The following SGCD variants were observed in gnomAD, a reference collection of about 807,000 sequenced individuals.
SGCD encodes sarcoglycan delta.
A neutral mutation model predicts 36.6 loss-of-function variants in SGCD; 18 were observed. The observed-to-expected ratio is 0.49, with a 90% CI of 0.34 to 0.73. SGCD has a LOEUF of 0.73. Among genes scored for constraint, SGCD ranks in the 30% least tolerant of loss-of-function variants. The pLI is 0.01. For missense variants in SGCD, 387 were observed against 346.7 expected (o/e 1.12, Z -0.92); for synonymous variants, 133 against 130.6 (o/e 1.02, Z -0.12).
At chr5:156,532,599 C>G (rs1727268388) in intron 4 of SGCD, among the ~76,000 whole-genome samples, 1 of 151,994 alleles carries the variant, frequency 6.6e-6, no homozygotes, top group Non-Finnish European at 1.5e-5. Flanking sequence ...TAGCTAGAAC[C>G]ACAGGCACCC....
chr5:156,017,363 A>G (rs543569599), intron 1 of SGCD, among the ~76,000 whole-genome samples: 20 of 152,138 alleles, frequency 1.3e-4, no homozygotes, highest in African/African-American at 4.3e-4. Flanking sequence ...AAATGCATCA[A>G]TTTTTTAAAA....
intron 1 of SGCD, among the ~76,000 whole-genome samples, chr5:155,956,067 C>G (rs951923487): frequency 6.7e-6 from 1 of 150,182 alleles, no homozygotes; most frequent in Admixed American, 6.6e-5. Context: ...ATTTAGATTT[C>G]TTTTTTCAGT....
chr5:155,979,698 G>C (rs527761474), intron 1 of SGCD, among the ~76,000 whole-genome samples: 2 of 152,258 alleles, frequency 1.3e-5, no homozygotes, highest in South Asian at 4.1e-4. Context: ...GGCCCACAAG[G>C]TTGATTCTCA....
chr5:155,962,126 A>C (rs752352093), intron 1 of SGCD, among the ~76,000 whole-genome samples: 16 of 152,090 alleles, frequency 1.1e-4, no homozygotes, highest in Non-Finnish European at 1.8e-4. Context: ...TGATCTATGC[A>C]TAGTTACATA....
chr5:156,639,034 C>T (rs1185332251), intron 6 of SGCD, among the ~76,000 whole-genome samples: 1 of 151,268 alleles, frequency 6.6e-6, no homozygotes, highest in Non-Finnish European at 1.5e-5. Context: ...TCATCACTAT[C>T]TTTTATCATA....
At chr5:156,445,662 T>TGTGCTTTG (rs1753727597) in intron 3 of SGCD, among the ~76,000 whole-genome samples, 1 of 152,160 alleles carries the variant, frequency 6.6e-6, no homozygotes, top group African/African-American at 2.4e-5. Flanking sequence ...TTAACCTCTC[T>TGTGCTTTG]GTGCTTTGGT....
chr5:156,378,105 C>T (rs1393468628), intron 3 of SGCD, among the ~76,000 whole-genome samples: 11 of 152,124 alleles, frequency 7.2e-5, no homozygotes, highest in Non-Finnish European at 1.6e-4. Flanking sequence ...CCCAAGCATC[C>T]ATTGACAGAT....
rs374380409 is a variant in SGCD at position 156,709,120 on chromosome 5, CTGA to C, written c.576-48458_576-48456del. On this transcript the variant is annotated intron_variant, in intron 7 of 8. Transcript: ENST00000337851. Reference sequence around the variant, plus strand: ...GAAGATAGAGAGCTGCTTTCTGTGTCTGATGTTTCTCAGTTGCCTTCAACTCAA... The same window carrying C: ...GAAGATAGAGAGCTGCTTTCTGTGTCTGTTTCTCAGTTGCCTTCAACTCAA... Among the ~76,000 whole-genome samples the C allele has an allele frequency of 4.1e-4, 62 of 152,228 alleles. No individual in the cohort carries two copies. The South Asian group carries it at 0.012, about 30-fold the overall frequency.
chr5:156,482,164 G>A (rs573100683), intron 3 of SGCD, among the ~76,000 whole-genome samples: 3 of 152,260 alleles, frequency 2.0e-5, no homozygotes, highest in African/African-American at 7.2e-5. Flanking sequence ...TTAGGTGTTG[G>A]ATTCTAGTGC....
chr5:156,558,767 A>T (rs998603040), intron 4 of SGCD, among the ~76,000 whole-genome samples: 3 of 152,192 alleles, frequency 2.0e-5, no homozygotes, highest in African/African-American at 7.2e-5. Context: ...GTGTGTAAGG[A>T]ATTTTAGACA....
At chr5:155,862,366 T>C in the SGCD span, among the ~76,000 whole-genome samples, 1 of 152,110 alleles carries the variant, frequency 6.6e-6, no homozygotes, top group South Asian at 2.1e-4. Context: ...AATCAAAGGG[T>C]TACCTAGGCT....
the SGCD span, among the ~76,000 whole-genome samples, chr5:155,811,431 A>G: frequency 6.6e-6 from 1 of 152,188 alleles, no homozygotes; most frequent in South Asian, 2.1e-4. Flanking sequence ...AAATTTGGCC[A>G]AAAAAGAAGC....
intron 1 of SGCD, among the ~76,000 whole-genome samples, chr5:155,971,317 T>C (rs1379104280): frequency 6.6e-6 from 1 of 152,122 alleles, no homozygotes; most frequent in Non-Finnish European, 1.5e-5. Context: ...CTCTAATCCA[T>C]CTTTATCTGA....
intron 3 of SGCD, among the ~76,000 whole-genome samples, chr5:156,189,825 G>A (rs1322698926): frequency 6.6e-6 from 1 of 152,070 alleles, no homozygotes; most frequent in Admixed American, 6.6e-5. Flanking sequence ...AATTTTTTTT[G>A]AACACTATAT....
rs552969687 is a variant in SGCD at position 156,486,753 on chromosome 5, G to A, written c.193-21848G>A. Among the ~76,000 whole-genome samples the A allele has an allele frequency of 1.4e-3, 207 of 152,034 alleles. 1 individual carries two copies. The highest frequency in any genetic ancestry group is 4.7e-3 in the African/African-American group (196 of 41,458). Reference sequence around the variant, plus strand: ...GACCCCTTTTGCCTGCTGCCACCACGTGCATGTGCCTCCTGAAGGATCTGG... The same window carrying A: ...GACCCCTTTTGCCTGCTGCCACCACATGCATGTGCCTCCTGAAGGATCTGG... On this transcript the variant is annotated intron_variant, in intron 3 of 8. Transcript: ENST00000337851.
intron 3 of SGCD, among the ~76,000 whole-genome samples, chr5:156,181,650 G>A (rs1369704127): frequency 6.6e-6 from 1 of 152,184 alleles, no homozygotes; most frequent in Non-Finnish European, 1.5e-5. Context: ...AAGTGAGCAA[G>A]GTGATGTGAT....
intron 7 of SGCD, among the ~76,000 whole-genome samples, chr5:156,747,308 T>G (rs77988652): frequency 2.1e-3 from 322 of 152,320 alleles, no homozygotes; most frequent in African/African-American, 7.2e-3. Context: ...ACCCCAAAAC[T>G]TAGCAGTTTA....
At chr5:156,744,931 C>T (rs918314589) in intron 7 of SGCD, among the ~76,000 whole-genome samples, 3 of 152,166 alleles carry the variant, frequency 2.0e-5, no homozygotes, top group African/African-American at 7.2e-5. Context: ...CTAACCAGTC[C>T]ACCCTCTGAA....
intron 1 of SGCD, among the ~76,000 whole-genome samples, chr5:155,942,376 C>G (rs878913025): frequency 1.2e-5 from 1 of 86,874 alleles, no homozygotes; most frequent in African/African-American, 4.0e-5. Context: ...TGTCTGCCTA[C>G]CTACCTAATC....
Sources: allele counts gnomAD v4.1 joint callset (sites outside exome capture counted in the v4.1 genomes callset), GRCh38; gene constraint gnomAD v4.1.1; transcripts MANE v1.5; gene names NCBI Gene and HGNC (gene_info 2026-07-23, HGNC 2026-07-21).